Variants in GPR179 observed in about 807,000 individuals in gnomAD.
GPR179 encodes probable G protein-coupled receptor 179.
Under a neutral mutation model 70.8 loss-of-function variants are expected in GPR179, and 52 were observed. That is an observed-to-expected ratio of 0.73 (90% CI 0.59 to 0.93). The LOEUF (loss-of-function observed/expected upper bound fraction) is 0.93, where lower values mean the gene tolerates loss of function less well. Among genes scored for constraint, GPR179 ranks in the 40% least tolerant of loss-of-function variants. The probability of loss-of-function intolerance (pLI) is 0.00; values close to 1 mark genes in which losing one functional copy is unlikely to be tolerated. For synonymous variants in GPR179, 1,123 were observed against 1,169.0 expected, an observed-to-expected ratio of 0.96 and a Z score of 0.80; for missense variants, 2,734 against 2,966.8, an observed-to-expected ratio of 0.92 and a Z score of 1.82.
Position 38,331,177 on chromosome 17 carries a change from C to T in GPR179, c.2392G>A (p.Ala798Thr), listed in dbSNP as rs78470373. The T allele has an allele frequency of 2.0e-3, 3,237 of 1,608,522 alleles. 63 individuals carry two copies. In the African/African-American group the frequency reaches 0.039, roughly 19 times the overall value. ...SLLRRKLAKK[A>T]SRTESRESVE... is the part of the protein sequence containing the mutation. ...GACTCCCGGCTCTCTGTTCGAGAGG[C>T]CTTCTTGGCCAGCTTCCTCCTCAGC... The change falls in exon 11 of 11, where the codon GCC becomes ACC. Residue 798 changes from alanine (A) to threonine (T), a missense_variant. By Grantham distance (58) the Ala-to-Thr change is moderately conservative. Transcript: ENST00000616987.
rs1231568230 is a variant in GPR179 at position 38,333,964 on chromosome 17, G to GT, written c.1858dup (p.Thr620AsnfsTer11). 2.5e-6 allele frequency: 4 copies of GT among 1,613,878 alleles called. No homozygotes were observed. Among genetic ancestry groups the GT allele is most frequent in the Non-Finnish European group, 3.4e-6 (4 of 1,179,894 alleles). On this transcript the variant is annotated frameshift_variant, in exon 9 of 11. Coordinates refer to ENST00000616987, the MANE Select transcript of GPR179 (RefSeq NM_001004334.4). LOFTEE classifies it high-confidence loss of function. ...GATGAAGATCAGAGCCAGCGTGGTG[G>GT]TGACTGTGCTGTGGGTGTGGAAGAA...
chr17:38,327,141 C>G lies in GPR179; in HGVS notation c.6428G>C (p.Gly2143Ala). 2 of 1,614,230 alleles carry G rather than the reference C, an allele frequency of 1.2e-6. No individual in the cohort carries two copies. Among genetic ancestry groups the G allele is most frequent in the Non-Finnish European group, 1.7e-6 (2 of 1,180,046 alleles). Residue 2143 changes from glycine to alanine, a missense_variant, in exon 11 of 11, where the codon GGG (glycine) becomes GCG (alanine). Coordinates refer to ENST00000616987, the MANE Select transcript of GPR179 (RefSeq NM_001004334.4). Reference sequence around the variant, plus strand: ...CCCTTGTGATTCTCTTTCCTGTTCCCCTTCCTCTGCTGCTCCTCCACCCGC... The same window carrying G: ...CCCTTGTGATTCTCTTTCCTGTTCCGCTTCCTCTGCTGCTCCTCCACCCGC... ...WEAGGGAAEE[G>A]EQERESQGQG... is the part of the protein sequence containing the mutation.
rs757923581 is a variant in GPR179 at position 38,331,352 on chromosome 17, T to A, written c.2217A>T (p.Gly739=). 8.1e-6 allele frequency: 13 copies of A among 1,612,680 alleles called. No individual in the cohort carries two copies. The highest frequency in any genetic ancestry group is 1.3e-5 in the African/African-American group (1 of 75,044). Residue 739 remains glycine (G), a synonymous_variant, in exon 11 of 11, where the codon GGA becomes GGT. Transcript: ENST00000616987. ...ALARQHSRDS[G]SPGHGSLPGS... is the part of the protein sequence containing the mutation. ...CGGGCAGGCTGCCGTGGCCTGGGGA[T>A]CCTGAGTCCCGGGAGTGCTGCCTGG...
intron 1 of GPR179, 44 bp downstream of exon 1, chr17:38,342,952 C>G (rs780780236): frequency 6.5e-7 from 1 of 1,537,044 alleles, no homozygotes; most frequent in East Asian, 2.3e-5. Context: ...CTTCCTTCCC[C>G]TACATCCCCA....
intron 5 of GPR179, 45 bp from the exon 6 acceptor site, chr17:38,335,745 C>T (rs1567726094): frequency 2.3e-6 from 3 of 1,310,218 alleles, no homozygotes; most frequent in East Asian, 2.3e-5. Context: ...TATGCTTCTG[C>T]TGTGGGCCAG....
In GPR179 at chr17:38,334,858, G is replaced by C; in HGVS notation, c.1646-16C>G. ...AGCAGCTCAGCTGTGGGGAGACAGG[G>C]AGGGAGAGAGCCGGCACCACCTCAG... On this transcript the variant is annotated splice_polypyrimidine_tract_variant and intron_variant, in intron 7 of 10. Coordinates refer to ENST00000616987, the MANE Select transcript of GPR179 (RefSeq NM_001004334.4). The surrounding 1 kb of genome is among the most constrained non-coding windows in gnomAD (Gnocchi z 4.7). 1 of 1,609,656 alleles carries C rather than the reference G, an allele frequency of 6.2e-7. No homozygotes were observed. The highest frequency in any genetic ancestry group is 1.3e-5 in the African/African-American group (1 of 74,990).
Position 38,343,218 on chromosome 17 carries a change from T to C in GPR179, c.572A>G (p.Asp191Gly). The C allele has an allele frequency of 6.2e-7, 1 of 1,614,020 alleles. No individual in the cohort carries two copies. The highest frequency in any genetic ancestry group is 8.5e-7 in the Non-Finnish European group (1 of 1,179,956). Residue 191 changes from aspartate to glycine, a missense_variant, in exon 1 of 11, where the codon GAC (aspartate) becomes GGC (glycine). Asp to Gly is a moderately conservative substitution (Grantham distance 94). Coordinates refer to ENST00000616987, the MANE Select transcript of GPR179 (RefSeq NM_001004334.4). This position sits in a 1 kb window ranked among gnomAD's most constrained non-coding sequence, Gnocchi z 4.2. Reference sequence around the variant, plus strand: ...CTTCTTCAGGGCAGGGGTGTCCAGGTCCCCAGGAGGGTTCTCCTCCTGCAC... The same window carrying C: ...CTTCTTCAGGGCAGGGGTGTCCAGGCCCCCAGGAGGGTTCTCCTCCTGCAC... ...NWVQEENPPG[D>G]LDTPALKKRV...
At chr17:38,336,603 T>C (rs1323679628) in intron 4 of GPR179, among the ~76,000 whole-genome samples, 1 of 152,136 alleles carries the variant, frequency 6.6e-6, no homozygotes, top group Non-Finnish European at 1.5e-5. Context: ...TGACTTTCTG[T>C]AAGCTCCCAC....
chr17:38,331,641 A>G, intron 10 of GPR179, 110 bp from the exon 11 acceptor site: 1 of 1,479,228 alleles, frequency 6.8e-7, no homozygotes, highest in Non-Finnish European at 9.0e-7. Flanking sequence ...ATCTCTTTCC[A>G]TCAAGCTGTA....
rs1486071841 is a variant in GPR179 at position 38,329,436 on chromosome 17, G to A, written c.4133C>T (p.Ala1378Val). ...ACTTGCCTCCCAGGGACACGGCTCTGCCTTGGTGATGTCAGGGGTATGAGC... is the reference window on the plus strand; with the variant it reads ...ACTTGCCTCCCAGGGACACGGCTCTACCTTGGTGATGTCAGGGGTATGAGC... ...PEAHTPDITK[A>V]EPCPWEASEG... Residue 1378 changes from alanine to valine, a missense_variant, in exon 11 of 11, where the codon GCA (alanine) becomes GTA (valine). Transcript: ENST00000616987. 6.2e-7 allele frequency: 1 copy of A among 1,613,898 alleles called. No homozygotes were observed. Among genetic ancestry groups the A allele is most frequent in the Non-Finnish European group, 8.5e-7 (1 of 1,180,012 alleles).
chr17:38,326,161 T>C lies in GPR179; in HGVS notation c.*304A>G, dbSNP rs541537671. 10 of 334,658 alleles carry C rather than the reference T, an allele frequency of 3.0e-5. No individual in the cohort carries two copies. Among genetic ancestry groups the C allele is most frequent in the Non-Finnish European group, 4.9e-5 (9 of 183,964 alleles). The allele number at this position is 334,658 out of a possible 1,614,324, so 20.7% of individuals were successfully genotyped here. On this transcript the variant is annotated 3_prime_UTR_variant, in exon 11 of 11. Coordinates refer to ENST00000616987, the MANE Select transcript of GPR179 (RefSeq NM_001004334.4). ...TGGCTTTGTGGGTGAGTGTCCAGAC[T>C]CGGGTGGTTTGTGTTGTGAGTACTG...
chr17:38,343,136 A>C lies in GPR179; in HGVS notation c.654T>G (p.Asp218Glu), dbSNP rs74871223. ...SLGSPKWPQA[D>E]GYVGDTQQVR... ...CCTGCTGCGTGTCCCCCACATATCC[A>C]TCTGCCTGCGGCCACTTGGGGCTGC... Residue 218 changes from aspartate to glutamate, a missense_variant, in exon 1 of 11, where the codon GAT (aspartate) becomes GAG (glutamate). By Grantham distance (45) the Asp-to-Glu change is conservative. Coordinates refer to ENST00000616987, the MANE Select transcript of GPR179 (RefSeq NM_001004334.4). This position sits in a 1 kb window ranked among gnomAD's most constrained non-coding sequence, Gnocchi z 4.2. 2.1e-3 allele frequency: 3,328 copies of C among 1,614,094 alleles called. 79 individuals carry two copies. The African/African-American group carries it at 0.039, about 19-fold the overall frequency.
In GPR179 at chr17:38,328,440, C is replaced by A. The variant is rs1201531883; in HGVS notation, c.5129G>T (p.Gly1710Val). 1 of 1,613,988 alleles carries A rather than the reference C, an allele frequency of 6.2e-7. No individual in the cohort carries two copies. Among genetic ancestry groups the A allele is most frequent in the African/African-American group, 1.3e-5 (1 of 74,880 alleles). ...AGCCCTTTCCTCCCCTGCTCCAGCA[C>A]CCACCTCCCAGGGACAGATTTCTGC... ...GKAEICPWEV[G>V]AGAGEERALG... The change falls in exon 11 of 11, where the codon GGT becomes GTT. Residue 1710 changes from glycine to valine, a missense_variant. Coordinates refer to ENST00000616987, the MANE Select transcript of GPR179 (RefSeq NM_001004334.4).
In GPR179 at chr17:38,328,903, T is replaced by C; in HGVS notation, c.4666A>G (p.Lys1556Glu). The C allele has an allele frequency of 6.2e-7, 1 of 1,614,118 alleles. No individual in the cohort carries two copies. Among genetic ancestry groups the C allele is most frequent in the Non-Finnish European group, 8.5e-7 (1 of 1,180,042 alleles). Residue 1556 changes from lysine (K) to glutamate (E), a missense_variant, in exon 11 of 11, where the codon AAA becomes GAA. By Grantham distance (56) the Lys-to-Glu change is moderately conservative (BLOSUM62 1). Coordinates refer to ENST00000616987, the MANE Select transcript of GPR179 (RefSeq NM_001004334.4). ...TTGCATAGGAATTGGCTACCAGCTT[T>C]GGATGAGGAATTGTCTAGACATGGG... ...SSPCLDNSSS[K>E]AGSQFLCNGG...
At position 38,343,037 on chromosome 17, in the gene GPR179, G is replaced by A. The variant is rs1273353938; in HGVS notation, c.753C>T (p.Ala251=). Residue 251 remains alanine (A), a synonymous_variant, in exon 1 of 11, where the codon GCC becomes GCT. Coordinates refer to ENST00000616987, the MANE Select transcript of GPR179 (RefSeq NM_001004334.4). This position sits in a 1 kb window ranked among gnomAD's most constrained non-coding sequence, Gnocchi z 4.2. The stretch of plus-strand genomic sequence containing the variant: ...GGTCTGGCTTGAGTCCATAGAAGGT[G>A]GCAGAGAGTGTGATCAGCCATCCAG... ...LRPGWLITLS[A]TFYGLKPDLS... is the part of the protein sequence containing the mutation. 3.7e-6 allele frequency: 6 copies of A among 1,613,276 alleles called. No individual in the cohort carries two copies. The highest frequency in any genetic ancestry group is 2.2e-5 in the East Asian group (1 of 44,876).
At chr17:38,331,761 C>A (rs1449483809) in intron 10 of GPR179, among the ~76,000 whole-genome samples, 1 of 152,150 alleles carries the variant, frequency 6.6e-6, no homozygotes, top group Admixed American at 6.5e-5. Flanking sequence ...TCATGTGTAC[C>A]CCCTTCTCTG....
chr17:38,330,974 T>C lies in GPR179; in HGVS notation c.2595A>G (p.Gln865=), dbSNP rs917178528. Residue 865 remains glutamine, a synonymous_variant, in exon 11 of 11, where the codon CAA becomes CAG. Transcript: ENST00000616987. ...TCTTCCGCTCCTCCCGCTCCTTTGCTTGCCGGTAGGTCTCCTCCAGGTAGG... is the reference window on the plus strand; with the variant it reads ...TCTTCCGCTCCTCCCGCTCCTTTGCCTGCCGGTAGGTCTCCTCCAGGTAGG... The part of the protein sequence containing the change: ...SQAYLEETYR[Q]AKEREERKKA... The C allele has an allele frequency of 2.4e-5, 38 of 1,612,296 alleles. No homozygotes were observed. Among genetic ancestry groups the C allele is most frequent in the African/African-American group, 4.0e-5 (3 of 74,946 alleles).
In GPR179 at chr17:38,330,964, G is replaced by A. The variant is rs576833922; in HGVS notation, c.2605C>T (p.Arg869Trp). The change falls in exon 11 of 11, where the codon CGG becomes TGG. Residue 869 changes from arginine to tryptophan, a missense_variant. Physicochemically the swap from Arg to Trp is moderately radical, Grantham distance 101. Coordinates refer to ENST00000616987, the MANE Select transcript of GPR179 (RefSeq NM_001004334.4). The stretch of plus-strand genomic sequence containing the variant: ...GCCTTGGCCTTCTTCCGCTCCTCCC[G>A]CTCCTTTGCTTGCCGGTAGGTCTCC... ...LEETYRQAKE[R>W]EERKKAKAAM... 25 of 1,611,832 alleles carry A rather than the reference G, an allele frequency of 1.6e-5. No homozygotes were observed. The highest frequency in any genetic ancestry group is 1.3e-4 in the East Asian group (6 of 44,840).
At position 38,330,162 on chromosome 17, in the gene GPR179, T is replaced by C; in HGVS notation, c.3407A>G (p.Lys1136Arg). ...AAGAGCGGCCTGCTTACTCACCGCC[T>C]TGGGCCGGCCTAGCCTGGGCGATCG... ...PSRSPRLGRP[K>R]AVSKQAALIP... Residue 1136 changes from lysine (K) to arginine (R), a missense_variant, in exon 11 of 11, where the codon AAG (lysine) becomes AGG (arginine). Transcript: ENST00000616987. 1.9e-6 allele frequency: 3 copies of C among 1,583,734 alleles called. No individual in the cohort carries two copies. The South Asian group carries it at 3.5e-5, about 18-fold the overall frequency.
Sources: gnomAD v4.1 joint callset for allele counts (sites outside exome capture counted in the v4.1 genomes callset) on GRCh38, gnomAD v4.1.1 for gene constraint, Gnocchi (gnomAD v3.1) non-coding constraint, MANE v1.5 for transcripts, NCBI Gene and HGNC (gene_info 2026-07-23, HGNC 2026-07-21) for gene names.